The following NFRKB variants were observed in gnomAD, a reference collection of about 807,000 sequenced individuals.
NFRKB encodes the protein nuclear factor related to kappa-B-binding protein.
In NFRKB, 62 loss-of-function variants were observed where a neutral mutation model predicts 135.7. The ratio of observed to expected loss-of-function variants is 0.46; its 90% confidence interval spans 0.37 to 0.56. NFRKB has a LOEUF of 0.56. Ranked by LOEUF, NFRKB falls within the 20% of genes least tolerant of loss-of-function variation. The pLI, the probability that NFRKB is intolerant of heterozygous loss-of-function variation, is 0.00. For synonymous variants in NFRKB, 678 were observed against 635.6 expected, an observed-to-expected ratio of 1.07 and a Z score of -1.00; for missense variants, 1,545 against 1,662.0, an observed-to-expected ratio of 0.93 and a Z score of 1.22.
chr11:129,877,764 C>T (rs554452537), intron 15 of NFRKB, among the ~76,000 whole-genome samples: 2 of 146,008 alleles, frequency 1.4e-5, no homozygotes, highest in East Asian at 2.0e-4. Context: ...GGAAAGTACC[C>T]GGGGCTTGAG....
intron 4 of NFRKB, 132 bp downstream of exon 4, chr11:129,888,461 CA>C: frequency 7.4e-6 from 7 of 944,238 alleles, no homozygotes; most frequent in Non-Finnish European, 1.2e-5. Context: ...AAGTGTTACA[CA>C]AAACCGCTCT....
At chr11:129,882,738 T>C in intron 9 of NFRKB, 107 bp from the exon 10 acceptor site, 2 of 1,188,802 alleles carry the variant, frequency 1.7e-6, no homozygotes, top group Non-Finnish European at 2.4e-6. Context: ...GACAGAAAAG[T>C]CTCAGTAATA....
intron 18 of NFRKB, 78 bp downstream of exon 18, chr11:129,875,279 G>A (rs1333209630): frequency 8.4e-7 from 1 of 1,196,614 alleles, no homozygotes; most frequent in Non-Finnish European, 1.2e-6. Flanking sequence ...TAAAAATTTT[G>A]TTATATTTTG....
chr11:129,886,279 C>T, intron 5 of NFRKB, 38 bp downstream of exon 5: 1 of 1,587,212 alleles, frequency 6.3e-7, no homozygotes, highest in Non-Finnish European at 8.6e-7. Flanking sequence ...ATACCTGTGA[C>T]TGCCCACATT....
At chr11:129,885,198 G>T (rs1365425313) in intron 6 of NFRKB, among the ~76,000 whole-genome samples, 4 of 152,258 alleles carry the variant, frequency 2.6e-5, no homozygotes, top group Admixed American at 2.6e-4. Context: ...TCTCATCTAA[G>T]CTCAAATGCC....
chr11:129,883,128 G>A lies in NFRKB; in HGVS notation c.895C>T (p.Leu299=). 1 of 1,614,046 alleles carries A rather than the reference G, an allele frequency of 6.2e-7. No homozygotes were observed. Among genetic ancestry groups the A allele is most frequent in the Non-Finnish European group, 8.5e-7 (1 of 1,179,974 alleles). Residue 299 remains leucine (L), a synonymous_variant, in exon 9 of 27, where the codon CTG becomes TTG. Coordinates refer to ENST00000682444, the MANE Select transcript of NFRKB (RefSeq NM_001143835.2). ...GAGGGGCCCAGTCATTTACCTGCCA[G>A]AGAGCCCTTCCTGCCAGCATTTACT... ...TRVNAGRKGS[L]AALYDLAVLK...
In NFRKB at chr11:129,869,718, G is replaced by C. The variant is rs1216746893; in HGVS notation, c.3307C>G (p.Gln1103Glu). Reference sequence around the variant, plus strand: ...GCGTGGGTTGCAACGGTGATGGTCTGGCCTGCTTTGGGAGGCATCACTCCC... The same window carrying C: ...GCGTGGGTTGCAACGGTGATGGTCTCGCCTGCTTTGGGAGGCATCACTCCC... Reference protein sequence around the residue: ...GLGVMPPKAGQTITVATHAKQ... With the variant: ...GLGVMPPKAGETITVATHAKQ... Residue 1103 changes from glutamine (Q) to glutamate (E), a missense_variant, in exon 24 of 27, where the codon CAG becomes GAG. Physicochemically the swap from Gln to Glu is conservative, Grantham distance 29. Coordinates refer to ENST00000682444, the MANE Select transcript of NFRKB (RefSeq NM_001143835.2). The C allele has an allele frequency of 6.2e-7, 1 of 1,614,226 alleles. No homozygotes were observed. Among genetic ancestry groups the C allele is most frequent in the African/African-American group, 1.3e-5 (1 of 75,064 alleles).
intron 24 of NFRKB, among the ~76,000 whole-genome samples, chr11:129,869,065 C>A (rs1948361506): frequency 6.6e-6 from 1 of 152,056 alleles, no homozygotes; most frequent in African/African-American, 2.4e-5. Context: ...TATATAAAGT[C>A]TCTCATGGGT....
chr11:129,895,165 C>G (rs1201496998), intron 1 of NFRKB, among the ~76,000 whole-genome samples: 1 of 152,204 alleles, frequency 6.6e-6, no homozygotes, highest in Non-Finnish European at 1.5e-5. Flanking sequence ...CCCGCTGGAC[C>G]CTCCCCAACG....
intron 23 of NFRKB, among the ~76,000 whole-genome samples, chr11:129,871,711 G>A (rs1362366372): frequency 6.6e-6 from 1 of 152,116 alleles, no homozygotes; most frequent in Non-Finnish European, 1.5e-5. Context: ...CCTCTCACCT[G>A]GACGACTGCC....
chr11:129,871,023 C>G (rs1332860133), intron 23 of NFRKB, among the ~76,000 whole-genome samples: 1 of 152,180 alleles, frequency 6.6e-6, no homozygotes, highest in Non-Finnish European at 1.5e-5. Context: ...GTGCGAGAGA[C>G]TGGTTCCAGG....
rs1324364754 is a variant in NFRKB, at chr11:129,869,560, G to A, written c.3465C>T (p.Ile1155=). Reference sequence around the variant, plus strand: ...GCCGCACGGTGGGGGCTCCTGTGCTGATGCTGATGGGGGTGCTTGCAGCCC... The same window carrying A: ...GCCGCACGGTGGGGGCTCCTGTGCTAATGCTGATGGGGGTGCTTGCAGCCC... ...ASGAASTPIS[I]STGAPTVRQV... is the part of the protein sequence containing the mutation. Residue 1155 remains isoleucine, a synonymous_variant, in exon 24 of 27, where the codon ATC becomes ATT. Transcript: ENST00000682444. 5.0e-6 allele frequency: 8 copies of A among 1,613,978 alleles called. No homozygotes were observed. The highest frequency in any genetic ancestry group is 2.7e-5 in the African/African-American group (2 of 74,914).
At chr11:129,867,512 T>C (rs1948259193) in intron 24 of NFRKB, among the ~76,000 whole-genome samples, 1 of 152,048 alleles carries the variant, frequency 6.6e-6, no homozygotes, top group Non-Finnish European at 1.5e-5. Context: ...GGACGGGGTT[T>C]CACCATGTTG....
chr11:129,876,722 A>G lies in NFRKB; in HGVS notation c.1746T>C (p.Leu582=). The G allele has an allele frequency of 6.2e-7, 1 of 1,612,372 alleles. No individual in the cohort carries two copies. The highest frequency in any genetic ancestry group is 8.5e-7 in the Non-Finnish European group (1 of 1,179,130). ...DRPAYVTILS[L]VRDAAARLPN... ...TGATAATCGACACGTGCCACCTACC[A>G]AGAGACAGAATGGTGACGTAGGCAG... Residue 582 remains leucine (L), a splice_region_variant and synonymous_variant, in exon 17 of 27, where the codon CTT becomes CTC. Coordinates refer to ENST00000682444, the MANE Select transcript of NFRKB (RefSeq NM_001143835.2).
At position 129,882,748 on chromosome 11, in the gene NFRKB, A is replaced by T. The variant is rs1171798583; in HGVS notation, c.902-117T>A. The stretch of plus-strand genomic sequence containing the variant: ...CCAAAGACAGAAAAGTCTCAGTAAT[A>T]AAACACTCAATGAAACCAAATTCAT... On this transcript the variant is annotated intron_variant, in intron 9 of 26. Transcript: ENST00000682444. The T allele has an allele frequency of 4.6e-6, 5 of 1,087,878 alleles. No homozygotes were observed. The East Asian group carries it at 1.2e-4, about 26-fold the overall frequency. The allele number at this position is 1,087,878 out of a possible 1,614,324, so 67.4% of individuals were successfully genotyped here.
intron 13 of NFRKB, among the ~76,000 whole-genome samples, chr11:129,878,782 G>C (rs371976862): frequency 6.6e-6 from 1 of 152,196 alleles, no homozygotes; most frequent in South Asian, 2.1e-4. Flanking sequence ...ACTGTGCCAC[G>C]CACTGCATGT....
intron 24 of NFRKB, among the ~76,000 whole-genome samples, 178 bp from the exon 25 acceptor site, chr11:129,866,161 T>C (rs141178056): frequency 5.4e-4 from 82 of 152,304 alleles, no homozygotes; most frequent in Non-Finnish European, 9.7e-4. Flanking sequence ...GAACTACTTA[T>C]ATACCATAGT....
chr11:129,893,288 C>A, intron 2 of NFRKB: 1 of 466,000 alleles, frequency 2.1e-6, no homozygotes, highest in Non-Finnish European at 4.2e-6. Context: ...TGCAGTAACT[C>A]ACACCTACAA....
At chr11:129,885,381 G>A in intron 6 of NFRKB, 54 bp downstream of exon 6, 1 of 1,540,536 alleles carries the variant, frequency 6.5e-7, no homozygotes, top group Non-Finnish European at 8.8e-7. Flanking sequence ...AACCGGACAA[G>A]TGGCCGGTAT....
Sources: gnomAD v4.1 joint callset for allele counts (sites outside exome capture counted in the v4.1 genomes callset) on GRCh38, gnomAD v4.1.1 for gene constraint, MANE v1.5 for transcripts, NCBI Gene and HGNC (gene_info 2026-07-23, HGNC 2026-07-21) for gene names.